Variants in TOR1AIP1 observed in about 807,000 individuals in gnomAD.
TOR1AIP1 encodes the protein torsin 1A interacting protein 1, also known as torsin-1A-interacting protein 1.
TOR1AIP1 carries 54 observed loss-of-function variants against 63.3 expected under a neutral mutation model. That is an observed-to-expected ratio of 0.85 (90% CI 0.69 to 1.07). TOR1AIP1 has a LOEUF of 1.07. TOR1AIP1 is among the 50% of genes least tolerant of loss of function. TOR1AIP1 has a pLI of 0.00. For missense variants in TOR1AIP1, 736 were observed against 715.0 expected (o/e 1.03, Z -0.33); for synonymous variants, 294 against 273.5 (o/e 1.07, Z -0.74).
Position 179,901,309 on chromosome 1 carries a change from T to C in TOR1AIP1, c.660T>C (p.Thr220=). 1 of 1,609,390 alleles carries C rather than the reference T, an allele frequency of 6.2e-7. No individual in the cohort carries two copies. Among genetic ancestry groups the C allele is most frequent in the Non-Finnish European group, 8.5e-7 (1 of 1,176,994 alleles). Residue 220 remains threonine, a synonymous_variant, in exon 5 of 10, where the codon ACT becomes ACC. Coordinates refer to ENST00000606911, the MANE Select transcript of TOR1AIP1 (RefSeq NM_015602.4). ...QKVNFSEEGE[T]EEDDQDSSHS... The stretch of plus-strand genomic sequence containing the variant: ...TTGTTTACTTCTCTTTAGGAGAAAC[T>C]GAAGAAGATGATCAAGACAGCTCTC...
At chr1:179,890,232 C>G (rs1274508139) in intron 3 of TOR1AIP1, among the ~76,000 whole-genome samples, 1 of 152,124 alleles carries the variant, frequency 6.6e-6, no homozygotes, top group Non-Finnish European at 1.5e-5. Flanking sequence ...GATTTCATGA[C>G]TATGAAGAAA....
intron 2 of TOR1AIP1, among the ~76,000 whole-genome samples, chr1:179,886,476 T>G (rs1325973753): frequency 1.3e-5 from 2 of 152,206 alleles, no homozygotes; most frequent in South Asian, 2.1e-4. Flanking sequence ...CTGTGTTATT[T>G]GCCCTGCATA....
At chr1:179,885,960 C>G (rs1000639535) in intron 2 of TOR1AIP1, among the ~76,000 whole-genome samples, 7 of 152,084 alleles carry the variant, frequency 4.6e-5, no homozygotes, top group Non-Finnish European at 7.4e-5. Flanking sequence ...AAGCTGGTCT[C>G]GAACTCCTGA....
rs1030944685 is a variant in TOR1AIP1, at chr1:179,882,656, C to T, written c.154C>T (p.Gln52Ter). Residue 52 changes from glutamine (Q) to a stop codon, truncating the protein, a stop_gained, in exon 1 of 10, where the codon CAG (glutamine) becomes TAG (stop). Transcript: ENST00000606911. LOFTEE classifies it high-confidence loss of function. Reference protein sequence around the residue: ...APAYRTPPSRQGRREVRFSDE... With the variant: ...APAYRTPPSR ...TGCGTACAGAACTCCTCCGTCGCGC[C>T]AGGGCCGGCGGGAAGTGAGGTTCTC... The T allele has an allele frequency of 1.9e-6, 3 of 1,583,436 alleles. No individual in the cohort carries two copies. The highest frequency in any genetic ancestry group is 2.3e-5 in the South Asian group (2 of 86,936).
chr1:179,882,524 G>C lies in TOR1AIP1; in HGVS notation c.22G>C (p.Ala8Pro). 3 of 1,461,878 alleles carry C rather than the reference G, an allele frequency of 2.1e-6. No homozygotes were observed. Among genetic ancestry groups the C allele is most frequent in the Non-Finnish European group, 2.7e-6 (3 of 1,107,200 alleles). The allele number at this position is 1,461,878 out of a possible 1,614,324, so 90.6% of individuals were successfully genotyped here. The change falls in exon 1 of 10, where the codon GCA (alanine) becomes CCA (proline). Residue 8 changes from alanine to proline, a missense_variant. Around this residue, in one of 2 missense-constraint regions of TOR1AIP1, gnomAD observed 464 missense variants for 371.0 expected, o/e 1.25. Coordinates refer to ENST00000606911, the MANE Select transcript of TOR1AIP1 (RefSeq NM_015602.4). ...AACTATGGCGGGCGACGGGCGGCGG[G>C]CAGAGGCGGTGCGGGAAGGATGGGG... MAGDGRR[A>P]EAVREGWGVY... is the part of the protein sequence containing the mutation.
chr1:179,900,211 T>C (rs1295473936), intron 4 of TOR1AIP1, 44 bp downstream of exon 4: 1 of 1,338,418 alleles, frequency 7.5e-7, no homozygotes, highest in Non-Finnish European at 1.1e-6. Flanking sequence ...TTTAAGTCTT[T>C]TTCTTTACAT....
At chr1:179,889,894 C>T (rs931267753) in intron 3 of TOR1AIP1, among the ~76,000 whole-genome samples, 12 of 152,154 alleles carry the variant, frequency 7.9e-5, no homozygotes, top group Non-Finnish European at 1.5e-4. Flanking sequence ...AAGTGATCCA[C>T]CCACCTCAGC....
intron 1 of TOR1AIP1, chr1:179,883,857 C>T (rs2148469488): frequency 3.2e-6 from 1 of 315,186 alleles, no homozygotes; most frequent in East Asian, 8.6e-5. Context: ...AACACTGAGT[C>T]ACAGATGAAG....
At chr1:179,910,602 A>G (rs1266130022) in intron 8 of TOR1AIP1, among the ~76,000 whole-genome samples, 1 of 152,246 alleles carries the variant, frequency 6.6e-6, no homozygotes, top group Non-Finnish European at 1.5e-5. Flanking sequence ...TTCCTGACCT[A>G]TTATAGTTAG....
Position 179,917,575 on chromosome 1 carries a change from C to G in TOR1AIP1, c.1088C>G (p.Thr363Ser), listed in dbSNP as rs758744392. ...WFFSTPEVET[T>S]AVQEFQNQMN... ...TTTAGTACTCCTGAGGTAGAAACCA[C>G]TGCTGTTCAAGAGTTCCAGAACCAG... is the stretch of plus-strand genomic sequence containing the variant. Residue 363 changes from threonine (T) to serine (S), a missense_variant, in exon 10 of 10, where the codon ACT becomes AGT. Coordinates refer to ENST00000606911, the MANE Select transcript of TOR1AIP1 (RefSeq NM_015602.4). 4.3e-6 allele frequency: 7 copies of G among 1,614,024 alleles called. No individual in the cohort carries two copies. The Admixed American group carries it at 1.2e-4, about 27-fold the overall frequency.
intron 6 of TOR1AIP1, among the ~76,000 whole-genome samples, chr1:179,906,999 A>G (rs1648658528): frequency 1.3e-5 from 2 of 151,736 alleles, no homozygotes; most frequent in African/African-American, 4.8e-5. Flanking sequence ...GGCCTCCCAA[A>G]GTGCTAGGAT....
intron 8 of TOR1AIP1, among the ~76,000 whole-genome samples, chr1:179,909,125 C>T (rs1360628356): frequency 6.6e-6 from 1 of 151,628 alleles, no homozygotes; most frequent in African/African-American, 2.4e-5. Context: ...TGCACCACTG[C>T]ACTCCAGCCT....
intron 3 of TOR1AIP1, 27 bp downstream of exon 3, chr1:179,889,396 A>C: frequency 6.3e-7 from 1 of 1,575,678 alleles, no homozygotes; most frequent in Non-Finnish European, 8.7e-7. Context: ...CTGTTGGTTT[A>C]CCTTTGTTAT....
chr1:179,884,548 T>A, intron 1 of TOR1AIP1, 144 bp from the exon 2 acceptor site: 1 of 600,918 alleles, frequency 1.7e-6, no homozygotes, highest in African/African-American at 1.9e-5. Flanking sequence ...ATTTCCTAAG[T>A]TTTGGTAAAC....
chr1:179,889,464 A>G, intron 3 of TOR1AIP1, 95 bp downstream of exon 3: 1 of 1,056,786 alleles, frequency 9.5e-7, no homozygotes, highest in Non-Finnish European at 1.4e-6. Context: ...TCAGAACTTA[A>G]AAGTTACTGT....
Position 179,882,871 on chromosome 1 carries a change from GACGCGAAGGACT to G in TOR1AIP1, c.372_383del (p.Arg126_Arg129del), listed in dbSNP as rs1647770427. The G allele has an allele frequency of 2.5e-6, 4 of 1,614,204 alleles. No individual in the cohort carries two copies. The highest frequency in any genetic ancestry group is 3.4e-6 in the Non-Finnish European group (4 of 1,180,042). ...GACCCCAGGAAACCGAGGAAATGAA[GACGCGAAGGACT>G]ACCCGCCTTCAGCAGCAGCACTCAG... On this transcript the variant is annotated inframe_deletion, in exon 1 of 10. Transcript: ENST00000606911.
At chr1:179,907,126 G>A (rs1648661795) in intron 6 of TOR1AIP1, among the ~76,000 whole-genome samples, 1 of 151,656 alleles carries the variant, frequency 6.6e-6, no homozygotes, top group African/African-American at 2.4e-5. Flanking sequence ...GCTCATGCCT[G>A]TAATCCCAGC....
intron 6 of TOR1AIP1, among the ~76,000 whole-genome samples, chr1:179,906,898 T>C (rs1648654241): frequency 6.6e-6 from 1 of 151,462 alleles, no homozygotes; most frequent in African/African-American, 2.4e-5. Context: ...CCACCACGCC[T>C]GGCTAATTTT....
chr1:179,909,772 GT>G (rs964966088), intron 8 of TOR1AIP1, among the ~76,000 whole-genome samples: 26 of 151,210 alleles, frequency 1.7e-4, no homozygotes, highest in African/African-American at 6.3e-4. Flanking sequence ...TTTGTTTTGG[GT>G]TTTTTTTGAG....
Sources: gnomAD v4.1 joint callset for allele counts (sites outside exome capture counted in the v4.1 genomes callset) on GRCh38, gnomAD v4.1.1 for gene constraint, gnomAD v4.1.1 regional missense constraint, MANE v1.5 for transcripts, NCBI Gene and HGNC (gene_info 2026-07-23, HGNC 2026-07-21) for gene names.